The following SPDYA variants were observed in gnomAD, a reference collection of about 807,000 sequenced individuals.
SPDYA encodes speedy protein A.
A neutral mutation model predicts 36.7 loss-of-function variants in SPDYA; 11 were observed. That is an observed-to-expected ratio of 0.30 (90% CI 0.19 to 0.50). The LOEUF (loss-of-function observed/expected upper bound fraction) is 0.50. Among genes scored for constraint, SPDYA ranks in the 20% least tolerant of loss-of-function variants. The pLI, the probability that SPDYA is intolerant of heterozygous loss-of-function variation, is 0.98. For missense variants in SPDYA, 287 were observed against 370.9 expected, an observed-to-expected ratio of 0.77 and a Z score of 1.86; for synonymous variants, 115 against 118.7, an observed-to-expected ratio of 0.97 and a Z score of 0.20.
At chr2:28,823,319 C>T (rs13024443) in intron 5 of SPDYA, among the ~76,000 whole-genome samples, 62,101 of 151,720 alleles carry the variant, frequency 0.41, 13,601 homozygotes, top group Middle Eastern at 0.51. Context: ...TTGGAATTTG[C>T]ATTATTTAAG....
chr2:28,820,094 G>T (rs563945353), intron 4 of SPDYA, among the ~76,000 whole-genome samples: 1 of 151,246 alleles, frequency 6.6e-6, no homozygotes, highest in Admixed American at 6.6e-5. Flanking sequence ...CTTTTATCAG[G>T]CTGTGGAGAA....
intron 7 of SPDYA, among the ~76,000 whole-genome samples, chr2:28,848,765 G>A (rs1408882535): frequency 2.0e-5 from 3 of 152,072 alleles, no homozygotes; most frequent in Non-Finnish European, 4.4e-5. Context: ...AAAACAGGCC[G>A]GGCATGGTGG....
At chr2:28,824,051 G>A (rs979625545) in intron 5 of SPDYA, among the ~76,000 whole-genome samples, 1 of 151,488 alleles carries the variant, frequency 6.6e-6, no homozygotes, top group African/African-American at 2.4e-5. Flanking sequence ...CCAGCCATAT[G>A]AATATAATTT....
chr2:28,824,272 G>C (rs1668258299), intron 5 of SPDYA, among the ~76,000 whole-genome samples: 1 of 151,810 alleles, frequency 6.6e-6, no homozygotes, highest in Admixed American at 6.6e-5. Context: ...CAGGCTGGAA[G>C]TCCAAGACCA....
chr2:28,812,899 G>GAGCACAGT (rs1667887396), intron 1 of SPDYA, among the ~76,000 whole-genome samples: 1 of 149,922 alleles, frequency 6.7e-6, no homozygotes, highest in East Asian at 1.9e-4. Flanking sequence ...TTTACCTGAT[G>GAGCACAGT]AGCACAGTTT....
In SPDYA at chr2:28,829,235, G is replaced by GGAGAAA. The variant is rs1253146391; in HGVS notation, c.468_469insGAGAAA (p.Leu156_Phe157insGluLys). 2 of 1,613,948 alleles carry GGAGAAA rather than the reference G, an allele frequency of 1.2e-6. No individual in the cohort carries two copies. Among genetic ancestry groups the GGAGAAA allele is most frequent in the Admixed American group, 3.3e-5 (2 of 59,978 alleles). ...CTTTAGGGAAAAACTGGAGAAAATT[G>GGAGAAA]TTCCCTAATTTCTTAAAGTTAAGGG... On this transcript the variant is annotated inframe_insertion, in exon 6 of 8. Coordinates refer to ENST00000334056, the MANE Select transcript of SPDYA (RefSeq NM_182756.4).
chr2:28,825,132 C>T (rs759447938), intron 5 of SPDYA, among the ~76,000 whole-genome samples: 13 of 152,038 alleles, frequency 8.6e-5, no homozygotes, highest in Non-Finnish European at 1.6e-4. Context: ...GGCACAAACT[C>T]AGGAGTGGTT....
chr2:28,824,834 C>G (rs1053519676), intron 5 of SPDYA, among the ~76,000 whole-genome samples: 1 of 152,074 alleles, frequency 6.6e-6, no homozygotes, highest in African/African-American at 2.4e-5. Context: ...CAGGCGTGAG[C>G]CACCGCGCCC....
In SPDYA at chr2:28,827,997, TC is replaced by T. The variant is rs767340998; in HGVS notation, c.381-1150del. Among the ~76,000 whole-genome samples, 401 of 151,726 alleles carry T rather than the reference TC, an allele frequency of 2.6e-3. 2 individuals carry two copies. The highest frequency in any genetic ancestry group is 3.4e-3 in the Non-Finnish European group (234 of 67,966). ...TCTTATTTTTTTCTTTTTTCTTTTTTCTTTTTGAGACAGAGTCTCCCCGTCA... is the reference window on the plus strand; with the variant it reads ...TCTTATTTTTTTCTTTTTTCTTTTTTTTTTTGAGACAGAGTCTCCCCGTCA... On this transcript the variant is annotated intron_variant, in intron 5 of 7. Transcript: ENST00000334056.
intron 7 of SPDYA, among the ~76,000 whole-genome samples, chr2:28,844,783 A>G (rs1228861632): frequency 6.6e-6 from 1 of 151,692 alleles, no homozygotes; most frequent in Non-Finnish European, 1.5e-5. Context: ...AAAATACAAA[A>G]TTTAGCTGGG....
chr2:28,845,374 A>C (rs753120045), intron 7 of SPDYA, among the ~76,000 whole-genome samples: 1 of 150,028 alleles, frequency 6.7e-6, no homozygotes, highest in Non-Finnish European at 1.5e-5. Flanking sequence ...GGGGTTACAG[A>C]TGTAAATCAC....
intron 4 of SPDYA, among the ~76,000 whole-genome samples, chr2:28,820,319 G>A (rs181945064): frequency 3.3e-5 from 5 of 151,996 alleles, no homozygotes; most frequent in Admixed American, 2.6e-4. Context: ...CAGCTTTGTC[G>A]CTCATACCTG....
chr2:28,841,063 T>C (rs1285499238), intron 7 of SPDYA, among the ~76,000 whole-genome samples: 1 of 151,458 alleles, frequency 6.6e-6, no homozygotes, highest in Non-Finnish European at 1.5e-5. Flanking sequence ...GCCTCCTAAG[T>C]ATCTGGGATT....
chr2:28,847,434 G>A (rs1172204395), intron 7 of SPDYA, among the ~76,000 whole-genome samples: 2 of 152,032 alleles, frequency 1.3e-5, no homozygotes, highest in Non-Finnish European at 2.9e-5. Flanking sequence ...ACTGCATACA[G>A]GATGGTGTTC....
chr2:28,817,685 G>A (rs1668021965), intron 3 of SPDYA, among the ~76,000 whole-genome samples: 1 of 149,716 alleles, frequency 6.7e-6, no homozygotes, highest in Admixed American at 6.7e-5. Context: ...AGACCAGCCT[G>A]GCCAACATGG....
intron 6 of SPDYA, among the ~76,000 whole-genome samples, chr2:28,834,651 A>G (rs1668550577): frequency 6.6e-6 from 1 of 152,240 alleles, no homozygotes; most frequent in African/African-American, 2.4e-5. Context: ...TTCCATTTAT[A>G]TGAAAGGTCC....
At chr2:28,824,228 A>C (rs1668256331) in intron 5 of SPDYA, among the ~76,000 whole-genome samples, 1 of 152,078 alleles carries the variant, frequency 6.6e-6, no homozygotes. Flanking sequence ...CTGTAATCCC[A>C]GCACTTTGGG....
At chr2:28,836,842 G>A (rs573783827) in intron 6 of SPDYA, among the ~76,000 whole-genome samples, 68 of 152,272 alleles carry the variant, frequency 4.5e-4, no homozygotes, top group African/African-American at 1.6e-3. Context: ...CTCCTTTAAG[G>A]TGGGATTTAT....
chr2:28,838,330 C>T (rs1274768780), intron 6 of SPDYA, among the ~76,000 whole-genome samples: 3 of 151,780 alleles, frequency 2.0e-5, no homozygotes, highest in East Asian at 3.9e-4. Flanking sequence ...TATAGACATG[C>T]GCCACCATGC....
Sources: gnomAD v4.1 joint callset for allele counts (sites outside exome capture counted in the v4.1 genomes callset) on GRCh38, gnomAD v4.1.1 for gene constraint, MANE v1.5 for transcripts, NCBI Gene and HGNC (gene_info 2026-07-23, HGNC 2026-07-21) for gene names.